Variants in SKAP2 observed in about 807,000 individuals in gnomAD.
The protein encoded by SKAP2 is src kinase associated phosphoprotein 2, also known as src kinase-associated phosphoprotein 2.
In SKAP2, 28 loss-of-function variants were observed where a neutral mutation model predicts 54.9. That is an observed-to-expected ratio of 0.51 (90% confidence interval 0.38 to 0.70). The LOEUF (loss-of-function observed/expected upper bound fraction) is 0.70, where lower values mean the gene tolerates loss of function less well. Ranked by LOEUF, SKAP2 falls within the 30% of genes least tolerant of loss-of-function variation. SKAP2 has a pLI of 0.00. For missense variants in SKAP2, 356 were observed against 424.1 expected (o/e 0.84, Z 1.41); for synonymous variants, 137 against 134.3 (o/e 1.02, Z -0.14).
At chr7:26,689,762 T>A (rs1786740696) in intron 10 of SKAP2, among the ~76,000 whole-genome samples, 2 of 152,186 alleles carry the variant, frequency 1.3e-5, no homozygotes, top group Non-Finnish European at 2.9e-5. Context: ...AAGACAGAGC[T>A]GTGGGTCGAC....
chr7:26,808,482 A>C (rs1045801896), intron 4 of SKAP2, among the ~76,000 whole-genome samples: 1 of 152,116 alleles, frequency 6.6e-6, no homozygotes. Flanking sequence ...GTGAATGGGG[A>C]GTTACTGTTT....
At chr7:26,796,798 G>A (rs1232547144) in intron 4 of SKAP2, among the ~76,000 whole-genome samples, 1 of 152,134 alleles carries the variant, frequency 6.6e-6, no homozygotes. Flanking sequence ...TTGTTGGTAA[G>A]ACTTATGGTC....
At chr7:26,822,999 G>T (rs893646857) in intron 4 of SKAP2, among the ~76,000 whole-genome samples, 2 of 152,186 alleles carry the variant, frequency 1.3e-5, no homozygotes, top group African/African-American at 4.8e-5. Context: ...GCTTAGGGAG[G>T]AAGGCACGTA....
intron 4 of SKAP2, among the ~76,000 whole-genome samples, 181 bp downstream of exon 4, chr7:26,843,849 T>A (rs1784865660): frequency 6.6e-6 from 1 of 152,062 alleles, no homozygotes; most frequent in Non-Finnish European, 1.5e-5. Context: ...AAGAACCAAC[T>A]ACATACTTAG....
chr7:26,729,177 G>A (rs1464574512), intron 6 of SKAP2, among the ~76,000 whole-genome samples: 2 of 152,054 alleles, frequency 1.3e-5, no homozygotes, highest in African/African-American at 4.8e-5. Flanking sequence ...ATGCTATGGG[G>A]CTATGTATCA....
intron 3 of SKAP2, among the ~76,000 whole-genome samples, chr7:26,851,580 T>C (rs474462): frequency 0.75 from 114,254 of 151,576 alleles, 43,427 homozygotes; most frequent in East Asian, 0.95. Flanking sequence ...GTGGTGGGGG[T>C]GGGGAGGGAT....
At chr7:26,860,913 C>T (rs548881127) in intron 1 of SKAP2, among the ~76,000 whole-genome samples, 1 of 3,544 alleles carries the variant, frequency 2.8e-4, no homozygotes, top group South Asian at 7.5e-3. Flanking sequence ...TGTGGTATTT[C>T]TAATCAAGAG....
At chr7:26,807,718 G>A (rs1357251427) in intron 4 of SKAP2, among the ~76,000 whole-genome samples, 3 of 152,110 alleles carry the variant, frequency 2.0e-5, no homozygotes. Context: ...AATCAATGTG[G>A]CAAAACTCAC....
intron 7 of SKAP2, among the ~76,000 whole-genome samples, chr7:26,726,372 T>C (rs139008073): frequency 6.6e-6 from 1 of 152,252 alleles, no homozygotes; most frequent in Non-Finnish European, 1.5e-5. Flanking sequence ...ACAACTTAAT[T>C]AACTGGCTTT....
chr7:26,862,422 ATCCAAATTTCCAAT>A (rs945076012), intron 1 of SKAP2, among the ~76,000 whole-genome samples: 1 of 149,938 alleles, frequency 6.7e-6, no homozygotes, highest in Non-Finnish European at 1.5e-5. Flanking sequence ...ATAAAGTGTA[ATCCAAATTTCCAAT>A]TCCAAAAGTT....
chr7:26,763,324 CAA>C (rs1271126277), intron 4 of SKAP2, among the ~76,000 whole-genome samples: 4 of 151,838 alleles, frequency 2.6e-5, no homozygotes, highest in Admixed American at 2.6e-4. Flanking sequence ...ATAAAAGATA[CAA>C]AGTCTGAATT....
chr7:26,677,955 A>G (rs2128085365), intron 11 of SKAP2, among the ~76,000 whole-genome samples: 2 of 152,376 alleles, frequency 1.3e-5, no homozygotes, highest in Admixed American at 1.3e-4. Flanking sequence ...AACCTCTGAT[A>G]TAGAAGAAAA....
At chr7:26,766,608 T>G (rs1783061915) in intron 4 of SKAP2, among the ~76,000 whole-genome samples, 1 of 152,220 alleles carries the variant, frequency 6.6e-6, no homozygotes, top group African/African-American at 2.4e-5. Context: ...GGCTGTGGGT[T>G]TGTCATAAAT....
chr7:26,726,962 T>C lies in SKAP2; in HGVS notation c.514A>G (p.Arg172Gly). The C allele has an allele frequency of 6.2e-7, 1 of 1,609,058 alleles. No homozygotes were observed. The highest frequency in any genetic ancestry group is 1.7e-5 in the Admixed American group (1 of 59,362). The change falls in exon 7 of 13, where the codon AGA (arginine) becomes GGA (glycine). Residue 172 changes from arginine (R) to glycine (G), a missense_variant. Transcript: ENST00000345317. ...GEFAIDGYSVRMNNTLRKDGK... is the reference protein window; with the variant it reads ...GEFAIDGYSVGMNNTLRKDGK... ...TCCTTTCTTAGAGTGTTATTCATTC[T>C]GACACTGTAGCCATCTATTGCAAAT...
chr7:26,665,408 T>C (rs978989456), downstream of SKAP2, among the ~76,000 whole-genome samples: 1 of 152,180 alleles, frequency 6.6e-6, no homozygotes, highest in African/African-American at 2.4e-5. Flanking sequence ...TTGTTGATAG[T>C]ATTATGGGAT....
intron 6 of SKAP2, among the ~76,000 whole-genome samples, chr7:26,729,028 T>C (rs1388220958): frequency 6.6e-6 from 1 of 152,112 alleles, no homozygotes; most frequent in African/African-American, 2.4e-5. Context: ...ACTATAAAGA[T>C]TTAGTTTGGA....
intron 4 of SKAP2, among the ~76,000 whole-genome samples, chr7:26,753,896 G>A (rs12700761): frequency 0.57 from 86,647 of 151,854 alleles, 25,188 homozygotes; most frequent in East Asian, 0.88. Context: ...GAACAAAGAG[G>A]TCATCCTTAT....
chr7:26,821,773 T>C (rs569753474), intron 4 of SKAP2, among the ~76,000 whole-genome samples: 6 of 152,272 alleles, frequency 3.9e-5, no homozygotes, highest in African/African-American at 1.4e-4. Flanking sequence ...AGTCTACCAT[T>C]GGTTCTACCC....
chr7:26,718,627 C>T (rs1380352190), intron 9 of SKAP2, among the ~76,000 whole-genome samples: 1 of 151,900 alleles, frequency 6.6e-6, no homozygotes, highest in Non-Finnish European at 1.5e-5. Context: ...TGCCTCAGCA[C>T]CCCGAGTAGC....
Sources: gnomAD v4.1 joint callset for allele counts (sites outside exome capture counted in the v4.1 genomes callset) on GRCh38, gnomAD v4.1.1 for gene constraint, MANE v1.5 for transcripts, NCBI Gene and HGNC (gene_info 2026-07-23, HGNC 2026-07-21) for gene names.